Variants in CELF2 observed in about 807,000 individuals in gnomAD.
CELF2 encodes the protein CUGBP Elav-like family member 2.
Under a neutral mutation model 62.6 loss-of-function variants are expected in CELF2, and 8 were observed. The observed-to-expected ratio is 0.13, with a 90% CI of 0.07 to 0.23. The LOEUF is 0.23. CELF2 is among the 10% of genes least tolerant of loss of function. The pLI is 1.00. For missense variants in CELF2, 333 were observed against 671.0 expected, an observed-to-expected ratio of 0.50 and a Z score of 5.56; for synonymous variants, 258 against 250.0, an observed-to-expected ratio of 1.03 and a Z score of -0.30.
At chr10:10,650,895 G>A in the CELF2 span, among the ~76,000 whole-genome samples, 64 of 152,180 alleles carry the variant, frequency 4.2e-4, no homozygotes, top group African/African-American at 9.1e-4. Context: ...GAACAGCTCC[G>A]GTCTACAGCT....
At chr10:10,498,553 A>G in the CELF2 span, among the ~76,000 whole-genome samples, 35 of 152,342 alleles carry the variant, frequency 2.3e-4, no homozygotes, top group South Asian at 4.1e-4. Flanking sequence ...GGGACCAGGT[A>G]AATAGAGTCC....
At chr10:10,495,158 G>A in the CELF2 span, among the ~76,000 whole-genome samples, 2 of 152,148 alleles carry the variant, frequency 1.3e-5, no homozygotes, top group African/African-American at 2.4e-5. Flanking sequence ...GCGGGCGCCT[G>A]TAGTCCCAGC....
the CELF2 span, among the ~76,000 whole-genome samples, chr10:10,671,812 C>T: frequency 3.9e-4 from 60 of 152,096 alleles, 1 homozygote; most frequent in South Asian, 0.012. Flanking sequence ...TCACTGCAAC[C>T]TCTGCCTCCC....
At chr10:11,257,407 C>T (rs190301372) in intron 4 of CELF2, among the ~76,000 whole-genome samples, 1 of 147,632 alleles carries the variant, frequency 6.8e-6, no homozygotes, top group East Asian at 2.0e-4. Context: ...TAGTGTTGAA[C>T]AGTTATACAA....
chr10:11,185,260 G>T (rs1253699410), intron 2 of CELF2, among the ~76,000 whole-genome samples: 1 of 151,942 alleles, frequency 6.6e-6, no homozygotes, highest in South Asian at 2.1e-4. Context: ...CTGCAGCCTC[G>T]AACTCCTGGG....
In CELF2 at chr10:10,987,938, C is replaced by T. The variant is rs576756391; in HGVS notation, c.89+67939C>T. On this transcript the variant is annotated intron_variant, in intron 2 of 13. Coordinates refer to the CELF2 transcript ENST00000636488. ...ACCACCTTACTCCTGCAAGAATGGC[C>T]GTAATTAAAACGTCAAAAAACAGTA... 4.1e-4 allele frequency among the ~76,000 whole-genome samples: 59 copies of T among 143,238 alleles called. 1 individual carries two copies. Among genetic ancestry groups the T allele is most frequent in the African/African-American group, 1.7e-3 (55 of 32,776 alleles). 94.0% of individuals were successfully genotyped at this position (143,238 alleles called of 152,430 possible). A position where few individuals can be genotyped will look rare whatever the true frequency, so the allele number is the denominator to read the frequency against.
chr10:10,538,800 C>T, the CELF2 span, among the ~76,000 whole-genome samples: 1 of 152,212 alleles, frequency 6.6e-6, no homozygotes, highest in African/African-American at 2.4e-5. Flanking sequence ...TTCTTTGTTA[C>T]ACCCACATGG....
intron 2 of CELF2, among the ~76,000 whole-genome samples, chr10:10,950,674 G>A (rs942890591): frequency 2.6e-5 from 4 of 152,124 alleles, no homozygotes; most frequent in Non-Finnish European, 4.4e-5. Context: ...ATTAGATATC[G>A]TTTACTTATT....
At chr10:11,002,226 A>G (rs2054586345), upstream of CELF2, among the ~76,000 whole-genome samples, 1 of 152,190 alleles carries the variant, frequency 6.6e-6, no homozygotes, top group East Asian at 1.9e-4. The surrounding 1 kb of genome is among the most constrained non-coding windows in gnomAD (Gnocchi z 4.4). Flanking sequence ...TAAAACCAAC[A>G]GATCTCATAA....
chr10:11,252,398 C>T (rs145899545), intron 4 of CELF2, among the ~76,000 whole-genome samples: 2 of 152,316 alleles, frequency 1.3e-5, no homozygotes, highest in East Asian at 1.9e-4. Flanking sequence ...CACAGTTAGA[C>T]AGTTACTGTC....
At chr10:10,861,500 T>A (rs2060044777) in intron 1 of CELF2, among the ~76,000 whole-genome samples, 1 of 152,188 alleles carries the variant, frequency 6.6e-6, no homozygotes, top group Non-Finnish European at 1.5e-5. Context: ...TTTTTCTCAG[T>A]GAAAATATAT....
At chr10:10,978,501 C>A (rs538259879) in intron 2 of CELF2, among the ~76,000 whole-genome samples, 13 of 152,188 alleles carry the variant, frequency 8.5e-5, no homozygotes, top group African/African-American at 2.9e-4. Context: ...AGGTCTCTGA[C>A]GTGGTTTGTG....
chr10:11,210,886 A>G (rs552239654), intron 2 of CELF2, among the ~76,000 whole-genome samples: 3 of 152,396 alleles, frequency 2.0e-5, no homozygotes, highest in South Asian at 4.1e-4. Context: ...ATGTATCACA[A>G]TACCACATGT....
intron 1 of CELF2, among the ~76,000 whole-genome samples, chr10:10,818,203 T>C (rs117597795): frequency 0.026 from 3,904 of 152,310 alleles, 74 homozygotes; most frequent in Middle Eastern, 0.058. Flanking sequence ...TTTGTGTTAA[T>C]ACGCATTCAC....
chr10:10,769,951 A>C, the CELF2 span, among the ~76,000 whole-genome samples: 1 of 152,166 alleles, frequency 6.6e-6, no homozygotes, highest in African/African-American at 2.4e-5. Context: ...GGAGTTGTCC[A>C]ACCAAAGGAT....
chr10:10,759,566 C>T, the CELF2 span, among the ~76,000 whole-genome samples: 10 of 151,992 alleles, frequency 6.6e-5, no homozygotes, highest in South Asian at 1.9e-3. Flanking sequence ...GCCTCGGCCT[C>T]GCAAAGTGCT....
At chr10:10,927,731 A>G (rs2065671199) in intron 2 of CELF2, among the ~76,000 whole-genome samples, 1 of 151,994 alleles carries the variant, frequency 6.6e-6, no homozygotes, top group African/African-American at 2.4e-5. Context: ...GCCCAACCTA[A>G]AATTTATCTT....
chr10:10,481,953 C>T, the CELF2 span, among the ~76,000 whole-genome samples: 1 of 152,174 alleles, frequency 6.6e-6, no homozygotes, highest in East Asian at 1.9e-4. Flanking sequence ...TCTAGCAATG[C>T]ATGATTCTGA....
intron 1 of CELF2, among the ~76,000 whole-genome samples, chr10:10,912,136 A>T (rs1402876234): frequency 6.6e-6 from 1 of 152,216 alleles, no homozygotes. Flanking sequence ...AAATGAGCAT[A>T]AGAAAGGGAG....
Sources: allele counts gnomAD v4.1 joint callset (sites outside exome capture counted in the v4.1 genomes callset), GRCh38; gene constraint gnomAD v4.1.1; non-coding constraint Gnocchi (gnomAD v3.1); transcripts MANE v1.5; gene names NCBI Gene and HGNC (gene_info 2026-07-23, HGNC 2026-07-21).